Variants in HDAC4 observed in about 807,000 individuals in gnomAD.
The protein encoded by HDAC4 is histone deacetylase 4.
A neutral mutation model predicts 135.1 loss-of-function variants in HDAC4; 16 were observed. That is an observed-to-expected ratio of 0.12 (90% confidence interval 0.08 to 0.18). HDAC4 has a LOEUF of 0.18. HDAC4 is among the 10% of genes least tolerant of loss of function. The probability of loss-of-function intolerance (pLI) is 1.00; values close to 1 mark genes in which losing one functional copy is unlikely to be tolerated. For missense variants in HDAC4, 1,143 were observed against 1,511.8 expected, an observed-to-expected ratio of 0.76 and a Z score of 4.05; for synonymous variants, 685 against 653.4, an observed-to-expected ratio of 1.05 and a Z score of -0.74.
At chr2:239,134,169 G>A in intron 11 of HDAC4, 76 bp downstream of exon 11, 1 of 1,192,904 alleles carries the variant, frequency 8.4e-7, no homozygotes, top group Non-Finnish European at 1.2e-6. Flanking sequence ...TCCTCCAAAG[G>A]CAGGCGAAGG....
chr2:239,371,013 C>T (rs1205810481), intron 1 of HDAC4, among the ~76,000 whole-genome samples: 1 of 152,208 alleles, frequency 6.6e-6, no homozygotes, highest in African/African-American at 2.4e-5. Flanking sequence ...CACAGGGCTT[C>T]CCACAGCCTG....
chr2:239,097,913 A>G (rs1348352086), intron 16 of HDAC4, among the ~76,000 whole-genome samples: 1 of 152,130 alleles, frequency 6.6e-6, no homozygotes, highest in Non-Finnish European at 1.5e-5. Flanking sequence ...ATCACTGACT[A>G]CTCCAACGCA....
chr2:239,161,561 G>A (rs1470905980), intron 6 of HDAC4, among the ~76,000 whole-genome samples: 1 of 152,082 alleles, frequency 6.6e-6, no homozygotes, highest in Non-Finnish European at 1.5e-5. Context: ...TTAAGTTCAG[G>A]GTTCAAATAC....
At chr2:239,162,677 C>A (rs34257939) in intron 6 of HDAC4, among the ~76,000 whole-genome samples, 1 of 152,178 alleles carries the variant, frequency 6.6e-6, no homozygotes, top group African/African-American at 2.4e-5. Flanking sequence ...TGTCCCTGGT[C>A]GAGTTACCCA....
intron 22 of HDAC4, among the ~76,000 whole-genome samples, chr2:239,078,710 G>A (rs1574935904): frequency 6.6e-6 from 1 of 152,184 alleles, no homozygotes; most frequent in African/African-American, 2.4e-5. Flanking sequence ...GGCCTGGGGA[G>A]GGGGAGTGAC....
intron 4 of HDAC4, among the ~76,000 whole-genome samples, chr2:239,184,337 G>A (rs2044356653): frequency 6.9e-6 from 1 of 145,332 alleles, no homozygotes; most frequent in South Asian, 2.3e-4. Context: ...GTGGTGGGGG[G>A]GTCCCTCAGT....
chr2:239,067,945 G>A (rs138637579), intron 23 of HDAC4, among the ~76,000 whole-genome samples: 1 of 152,172 alleles, frequency 6.6e-6, no homozygotes, highest in South Asian at 2.1e-4. Flanking sequence ...CTTTGTGTGC[G>A]CCAGGTTTTC....
At chr2:239,148,548 C>G (rs1424093053) in intron 7 of HDAC4, among the ~76,000 whole-genome samples, 1 of 152,226 alleles carries the variant, frequency 6.6e-6, no homozygotes, top group African/African-American at 2.4e-5. Context: ...TACTTGGCAA[C>G]AGCCACATCG....
At position 239,139,953 on chromosome 2, in the gene HDAC4, A is replaced by G. The variant is rs7570607; in HGVS notation, c.866-157T>C. Reference sequence around the variant, plus strand: ...AAGAACATGGCCATGGTTTCAAAAAAGAAAGTATGATGCTGATTTCTGATT... The same window carrying G: ...AAGAACATGGCCATGGTTTCAAAAAGGAAAGTATGATGCTGATTTCTGATT... On this transcript the variant is annotated intron_variant, in intron 8 of 26. Transcript: ENST00000543185. The surrounding 1 kb of genome is among the most constrained non-coding windows in gnomAD (Gnocchi z 5.3). 0.078 allele frequency among the ~76,000 whole-genome samples: 11,822 copies of G among 152,294 alleles called. 1,583 individuals are homozygous for G. The highest frequency in any genetic ancestry group is 0.27 in the African/African-American group (11,196 of 41,522).
intron 24 of HDAC4, among the ~76,000 whole-genome samples, chr2:239,059,992 G>A (rs932064676): frequency 3.9e-5 from 6 of 152,210 alleles, no homozygotes; most frequent in African/African-American, 9.6e-5. Flanking sequence ...GAGAGTGACC[G>A]TGGACTGTGC....
At chr2:239,293,290 G>C (rs1020088361) in intron 2 of HDAC4, among the ~76,000 whole-genome samples, 1 of 152,230 alleles carries the variant, frequency 6.6e-6, no homozygotes, top group Admixed American at 6.5e-5. Context: ...GAATGTAGCA[G>C]TTGCCTTCTG....
rs953628844 is a variant in HDAC4, at chr2:239,299,542, G to T, written c.22+53136C>A. Among the ~76,000 whole-genome samples the T allele has an allele frequency of 2.6e-5, 4 of 152,202 alleles. No individual in the cohort carries two copies. The highest frequency in any genetic ancestry group is 9.7e-5 in the African/African-American group (4 of 41,446). ...ATTACAGCTGTACAACTGTACAACG[G>T]GAGGGCAGCGACACGTGCTTATTTG... On this transcript the variant is annotated intron_variant, in intron 2 of 26. Transcript: ENST00000543185. This position sits in a 1 kb window ranked among gnomAD's most constrained non-coding sequence, Gnocchi z 4.0.
At chr2:239,053,634 G>T in intron 25 of HDAC4, 33 bp from the exon 26 acceptor site, 2 of 1,607,274 alleles carry the variant, frequency 1.2e-6, no homozygotes, top group South Asian at 1.1e-5. Context: ...GTCGCTCAGT[G>T]ACTACAACTT....
Position 239,303,991 on chromosome 2 carries a change from G to A in HDAC4, c.22+48687C>T, listed in dbSNP as rs113295817. ...TCATCTCAGCCCGCCAGGTCCTCTC[G>A]AGCCCCTGGAGTGCCCTGTGAGCCA... On this transcript the variant is annotated intron_variant, in intron 2 of 26. Coordinates refer to ENST00000543185, the MANE Select transcript of HDAC4 (RefSeq NM_001378414.1). This position sits in a 1 kb window ranked among gnomAD's most constrained non-coding sequence, Gnocchi z 5.1. 3.3e-5 allele frequency among the ~76,000 whole-genome samples: 5 copies of A among 152,234 alleles called. No individual in the cohort carries two copies. The highest frequency in any genetic ancestry group is 3.9e-4 in the East Asian group (2 of 5,176).
intron 12 of HDAC4, among the ~76,000 whole-genome samples, chr2:239,122,871 G>A (rs541538688): frequency 3.3e-5 from 5 of 152,320 alleles, no homozygotes; most frequent in East Asian, 1.9e-4. Flanking sequence ...CTGGAGCAGC[G>A]CAGTGGGACA....
At chr2:239,102,062 G>A (rs2037710593) in intron 16 of HDAC4, among the ~76,000 whole-genome samples, 1 of 101,582 alleles carries the variant, frequency 9.8e-6, no homozygotes, top group Non-Finnish European at 2.2e-5. Context: ...CCCCGGCCCC[G>A]GGTCCACGTT....
intron 1 of HDAC4, among the ~76,000 whole-genome samples, chr2:239,368,011 T>A (rs1028055115): frequency 2.6e-5 from 4 of 152,130 alleles, no homozygotes; most frequent in African/African-American, 9.7e-5. Flanking sequence ...ATAAATTTCA[T>A]GTTTAGACTC....
chr2:239,054,741 C>T lies in HDAC4; in HGVS notation c.3088+8G>A. 3 of 1,601,226 alleles carry T rather than the reference C, an allele frequency of 1.9e-6. No individual in the cohort carries two copies. The highest frequency in any genetic ancestry group is 2.7e-5 in the African/African-American group (2 of 74,756). ...TGTCCCCTGTGAGCACCCAGCCAGG[C>T]AACTTACTGTGGATCTCCATGACTT... is the stretch of plus-strand genomic sequence containing the variant. On this transcript the variant is annotated splice_region_variant and intron_variant, in intron 25 of 26. Transcript: ENST00000543185.
intron 13 of HDAC4, among the ~76,000 whole-genome samples, chr2:239,114,284 G>C (rs543334221): frequency 5.9e-5 from 9 of 152,186 alleles, no homozygotes; most frequent in Non-Finnish European, 8.8e-5. Context: ...GGGAGGGAAC[G>C]AGCCAGTGGC....
Sources: allele counts gnomAD v4.1 joint callset (sites outside exome capture counted in the v4.1 genomes callset), GRCh38; gene constraint gnomAD v4.1.1; non-coding constraint Gnocchi (gnomAD v3.1); transcripts MANE v1.5; gene names NCBI Gene and HGNC (gene_info 2026-07-23, HGNC 2026-07-21).